Variants in RPS6KA2 observed in about 807,000 individuals in gnomAD.
RPS6KA2 encodes the protein ribosomal protein S6 kinase A2.
A neutral mutation model predicts 91.8 loss-of-function variants in RPS6KA2; 42 were observed. The observed-to-expected ratio is 0.46, with a 90% CI of 0.36 to 0.59. RPS6KA2 has a LOEUF of 0.59. Ranked by LOEUF, RPS6KA2 falls within the 20% of genes least tolerant of loss-of-function variation. RPS6KA2 has a pLI of 0.00. For missense variants in RPS6KA2, 798 were observed against 978.5 expected (o/e 0.82, Z 2.46); for synonymous variants, 414 against 393.6 (o/e 1.05, Z -0.61).
intron 1 of RPS6KA2, among the ~76,000 whole-genome samples, chr6:166,541,990 T>C (rs954031894): frequency 5.3e-5 from 8 of 152,226 alleles, no homozygotes; most frequent in Non-Finnish European, 5.9e-5. Flanking sequence ...GAGCATCACC[T>C]TTCAGACTTC....
At chr6:166,537,134 G>A (rs1179880399) in intron 2 of RPS6KA2, among the ~76,000 whole-genome samples, 2 of 152,262 alleles carry the variant, frequency 1.3e-5, no homozygotes, top group African/African-American at 4.8e-5. Flanking sequence ...GCCATGGGAT[G>A]TATTCCAGCG....
chr6:166,812,632 G>A (rs1314568946), intron 2 of RPS6KA2, among the ~76,000 whole-genome samples: 1 of 152,136 alleles, frequency 6.6e-6, no homozygotes, highest in East Asian at 1.9e-4. Flanking sequence ...GTGGCCTCAA[G>A]CTCCCGCTCT....
intron 2 of RPS6KA2, among the ~76,000 whole-genome samples, chr6:166,753,875 T>C (rs988518213): frequency 6.6e-6 from 1 of 152,130 alleles, no homozygotes; most frequent in Non-Finnish European, 1.5e-5. Flanking sequence ...ATGCCCACTT[T>C]CCCGAAATTT....
In RPS6KA2 at chr6:166,500,745, A is replaced by G; in HGVS notation, c.604+142T>C. On this transcript the variant is annotated intron_variant, in intron 7 of 20. Coordinates refer to ENST00000265678, the MANE Select transcript of RPS6KA2 (RefSeq NM_021135.6). The surrounding 1 kb of genome is among the most constrained non-coding windows in gnomAD (Gnocchi z 4.3). ...ACAATGCCATAAGCAGTCTGTAGCT[A>G]TAGAAAATTCTGCCAAATCAGAGAC... 1 of 733,278 alleles carries G rather than the reference A, an allele frequency of 1.4e-6. No individual in the cohort carries two copies. Among genetic ancestry groups the G allele is most frequent in the Middle Eastern group, 2.4e-4 (1 of 4,182 alleles). 45.4% of individuals were successfully genotyped at this position (733,278 alleles called of 1,614,324 possible).
intron 16 of RPS6KA2, among the ~76,000 whole-genome samples, chr6:166,427,296 G>A (rs1286713209): frequency 6.6e-5 from 10 of 152,092 alleles, no homozygotes; most frequent in South Asian, 2.1e-4. Context: ...TTGATGGGAC[G>A]TATCTCAAAA....
chr6:166,656,418 C>T (rs1464613717), intron 2 of RPS6KA2, among the ~76,000 whole-genome samples: 1 of 152,190 alleles, frequency 6.6e-6, no homozygotes, highest in African/African-American at 2.4e-5. Context: ...GGGGGTGGAA[C>T]TCGGTTCACC....
At chr6:166,795,291 C>G (rs997928200) in intron 2 of RPS6KA2, among the ~76,000 whole-genome samples, 3 of 152,206 alleles carry the variant, frequency 2.0e-5, no homozygotes, top group Admixed American at 6.5e-5. Context: ...TTTCATTTTG[C>G]TGTTCTATTA....
intron 10 of RPS6KA2, among the ~76,000 whole-genome samples, chr6:166,481,285 G>A (rs1156413893): frequency 6.6e-6 from 1 of 152,246 alleles, no homozygotes; most frequent in Non-Finnish European, 1.5e-5. Flanking sequence ...TTAAGACTGA[G>A]CAAAGCTCAA....
chr6:166,577,380 C>T (rs1028462748), intron 1 of RPS6KA2, among the ~76,000 whole-genome samples: 7 of 152,344 alleles, frequency 4.6e-5, no homozygotes, highest in Non-Finnish European at 8.8e-5. Context: ...ACACTCAACA[C>T]CAGCCCATGA....
chr6:166,770,661 G>A lies in RPS6KA2; in HGVS notation c.123+87539C>T, dbSNP rs1388016440. The stretch of plus-strand genomic sequence containing the variant: ...AAGGACATTACTGCACAAAGCACTC[G>A]GATTCCCCACAGGATGCCAAAAAAT... On this transcript the variant is annotated intron_variant, in intron 2 of 21. Coordinates refer to the RPS6KA2 transcript ENST00000503859. The surrounding 1 kb of genome is among the most constrained non-coding windows in gnomAD (Gnocchi z 5.1). Among the ~76,000 whole-genome samples the A allele has an allele frequency of 3.9e-5, 6 of 152,150 alleles. No individual in the cohort carries two copies. Among genetic ancestry groups the A allele is most frequent in the Admixed American group, 2.0e-4 (3 of 15,274 alleles).
chr6:166,444,582 G>T (rs893233799), intron 14 of RPS6KA2, among the ~76,000 whole-genome samples: 1 of 152,256 alleles, frequency 6.6e-6, no homozygotes, highest in Non-Finnish European at 1.5e-5. Context: ...CTGGCTGGGG[G>T]CACCGGCAGA....
chr6:166,631,110 C>A (rs1787061034), upstream of RPS6KA2, among the ~76,000 whole-genome samples: 5 of 152,222 alleles, frequency 3.3e-5, no homozygotes, highest in Non-Finnish European at 7.3e-5. Flanking sequence ...GTCAGAATGA[C>A]ACCTGTGCCC....
At chr6:166,461,759 G>A (rs1780317440) in intron 11 of RPS6KA2, among the ~76,000 whole-genome samples, 1 of 152,184 alleles carries the variant, frequency 6.6e-6, no homozygotes, top group Non-Finnish European at 1.5e-5. Context: ...AGTGTGAAGT[G>A]TTTACCTCCG....
rs565665779 is a variant in RPS6KA2, at chr6:166,695,561, A to G, written c.124-156777T>C. Among the ~76,000 whole-genome samples the G allele has an allele frequency of 2.0e-5, 3 of 152,368 alleles. No homozygotes were observed. In the East Asian group the frequency reaches 5.8e-4, roughly 29 times the overall value. ...TCAGGCCTCAGACTGGTACAGGTCCATGGCTTGTAGGAACCAGGCCGCACA... is the reference window on the plus strand; with the variant it reads ...TCAGGCCTCAGACTGGTACAGGTCCGTGGCTTGTAGGAACCAGGCCGCACA... On this transcript the variant is annotated intron_variant, in intron 2 of 21. Coordinates refer to the RPS6KA2 transcript ENST00000503859.
intron 1 of RPS6KA2, among the ~76,000 whole-genome samples, chr6:166,624,634 A>C (rs1786769435): frequency 6.6e-6 from 1 of 152,172 alleles, no homozygotes; most frequent in Non-Finnish European, 1.5e-5. Context: ...ATCCAGAAAA[A>C]GACCAGCCCA....
chr6:166,836,866 C>T (rs182385467), intron 2 of RPS6KA2, among the ~76,000 whole-genome samples: 122 of 152,326 alleles, frequency 8.0e-4, no homozygotes, highest in Middle Eastern at 6.8e-3. Flanking sequence ...TGGCCCACCT[C>T]GGTCCCTGAG....
In RPS6KA2 at chr6:166,666,035, G is replaced by A. The variant is rs1363357953; in HGVS notation, c.124-127251C>T. Among the ~76,000 whole-genome samples the A allele has an allele frequency of 6.6e-6, 1 of 152,238 alleles. No homozygotes were observed. Among genetic ancestry groups the A allele is most frequent in the African/African-American group, 2.4e-5 (1 of 41,460 alleles). On this transcript the variant is annotated intron_variant, in intron 2 of 21. Transcript: ENST00000503859. The surrounding 1 kb of genome is among the most constrained non-coding windows in gnomAD (Gnocchi z 4.0). ...TCACCACAGGCTGCGATCTGAAGGAGCAGAGATTAGCAATCTAGAAATAGA... is the reference window on the plus strand; with the variant it reads ...TCACCACAGGCTGCGATCTGAAGGAACAGAGATTAGCAATCTAGAAATAGA...
rs536120398 is a variant in RPS6KA2, at chr6:166,433,766, T to A, written c.1333-1276A>T. 1.6e-3 allele frequency among the ~76,000 whole-genome samples: 244 copies of A among 152,300 alleles called. 1 individual carries two copies. The highest frequency in any genetic ancestry group is 0.012 in the South Asian group (60 of 4,824). On this transcript the variant is annotated intron_variant, in intron 14 of 20. Transcript: ENST00000265678. The surrounding 1 kb of genome is among the most constrained non-coding windows in gnomAD (Gnocchi z 4.4). Reference sequence around the variant, plus strand: ...TGCATAAAACTCTATTTCGTTAATTTTTTTTGGAGACAGGGTCTCACTCTG... The same window carrying A: ...TGCATAAAACTCTATTTCGTTAATTATTTTTGGAGACAGGGTCTCACTCTG...
chr6:166,498,826 C>T (rs1041814166), intron 7 of RPS6KA2, among the ~76,000 whole-genome samples, 176 bp from the exon 8 acceptor site: 4 of 152,308 alleles, frequency 2.6e-5, no homozygotes, highest in South Asian at 2.1e-4. Flanking sequence ...CGTCAGTGCC[C>T]GAAGCCCGCC....
Sources: gnomAD v4.1 joint callset for allele counts (sites outside exome capture counted in the v4.1 genomes callset) on GRCh38, gnomAD v4.1.1 for gene constraint, Gnocchi (gnomAD v3.1) non-coding constraint, MANE v1.5 for transcripts, NCBI Gene and HGNC (gene_info 2026-07-23, HGNC 2026-07-21) for gene names.